Variants in COL26A1 observed in about 807,000 individuals in gnomAD.
COL26A1 encodes collagen alpha-1(XXVI) chain.
Under a neutral mutation model 59.3 loss-of-function variants are expected in COL26A1, and 41 were observed. The ratio of observed to expected loss-of-function variants is 0.69; its 90% CI spans 0.54 to 0.90. The LOEUF is 0.90. COL26A1 is among the 40% of genes least tolerant of loss of function. The pLI is 0.00. For missense variants in COL26A1, 612 were observed against 602.3 expected, an observed-to-expected ratio of 1.02 and a Z score of -0.17; for synonymous variants, 266 against 256.0, an observed-to-expected ratio of 1.04 and a Z score of -0.37.
At chr7:101,434,064 CCCT>C in intron 2 of COL26A1, among the ~76,000 whole-genome samples, 1 of 108,568 alleles carries the variant, frequency 9.2e-6, no homozygotes. Flanking sequence ...CTCCCTCCCT[CCCT>C]CCCTCCCTCC....
Position 101,539,929 on chromosome 7 carries a change from C to A in COL26A1, c.484C>A (p.Pro162Thr), listed in dbSNP as rs1795572897. ...LLEAAERPSS[P>T]DNDLPAPEST... ...AGAAGCAGCAGAACGGCCCTCCAGC[C>A]CGGACAACGACCTGCCAGCCCCCGA... The change falls in exon 5 of 13, where the codon CCG becomes ACG. Residue 162 changes from proline (P) to threonine (T), a missense_variant. By Grantham distance (38) the Pro-to-Thr change is conservative (BLOSUM62 -1). Coordinates refer to ENST00000313669, the MANE Select transcript of COL26A1 (RefSeq NM_001278563.3). 6.2e-7 allele frequency: 1 copy of A among 1,613,428 alleles called. No homozygotes were observed. The highest frequency in any genetic ancestry group is 1.3e-5 in the African/African-American group (1 of 74,900).
At chr7:101,464,828 C>G (rs1793717266) in intron 3 of COL26A1, among the ~76,000 whole-genome samples, 1 of 151,938 alleles carries the variant, frequency 6.6e-6, no homozygotes, top group Non-Finnish European at 1.5e-5. Context: ...CCTCCCACCT[C>G]AGCTTCCTGA....
At chr7:101,507,357 T>A (rs1477811597) in intron 3 of COL26A1, among the ~76,000 whole-genome samples, 2 of 152,214 alleles carry the variant, frequency 1.3e-5, no homozygotes, top group Admixed American at 1.3e-4. Flanking sequence ...TCCCGTGGAT[T>A]CTTCTGTCTC....
Position 101,425,158 on chromosome 7 carries a change from G to A in COL26A1, c.281+5059G>A, listed in dbSNP as rs544211347. Reference sequence around the variant, plus strand: ...TCCTATAACTTTGGGAGGCTCAGATGGGTGGATCACGAGGTCAGCAGTTCG... The same window carrying A: ...TCCTATAACTTTGGGAGGCTCAGATAGGTGGATCACGAGGTCAGCAGTTCG... On this transcript the variant is annotated intron_variant, in intron 2 of 12. Coordinates refer to ENST00000313669, the MANE Select transcript of COL26A1 (RefSeq NM_001278563.3). Among the ~76,000 whole-genome samples the A allele has an allele frequency of 3.4e-5, 5 of 147,924 alleles. No homozygotes were observed. In the East Asian group the frequency reaches 7.8e-4, roughly 23 times the overall value.
intron 1 of COL26A1, among the ~76,000 whole-genome samples, chr7:101,416,603 C>G (rs1792375091): frequency 6.9e-6 from 1 of 143,944 alleles, no homozygotes; most frequent in African/African-American, 2.5e-5. Context: ...TTTTCCATCT[C>G]CTTTTCTTTT....
rs3073374 is a variant in COL26A1 at position 101,510,027 on chromosome 7, C to CTTTTTTTTT, written c.386-23049_386-23041dup. On this transcript the variant is annotated intron_variant, in intron 3 of 12. Coordinates refer to ENST00000313669, the MANE Select transcript of COL26A1 (RefSeq NM_001278563.3). Reference sequence around the variant, plus strand: ...ATAGGCATAAGCCATCGCGCCCAGTCTTTTTTTTTTTTTTAAGAGGGTCTC... The same window carrying CTTTTTTTTT: ...ATAGGCATAAGCCATCGCGCCCAGTCTTTTTTTTTTTTTTTTTTTTTTTAAGAGGGTCTC... Among the ~76,000 whole-genome samples, 1,129 of 122,252 alleles carry CTTTTTTTTT rather than the reference C, an allele frequency of 9.2e-3. 48 individuals carry two copies. The highest frequency in any genetic ancestry group is 0.014 in the African/African-American group (337 of 24,648). The allele number at this position is 122,252 out of a possible 152,430, so 80.2% of individuals were successfully genotyped here.
intron 3 of COL26A1, among the ~76,000 whole-genome samples, chr7:101,515,289 T>C (rs1429628290): frequency 6.6e-6 from 1 of 151,468 alleles, no homozygotes; most frequent in Non-Finnish European, 1.5e-5. Flanking sequence ...AAATATTTAT[T>C]TTTTTTTTGA....
chr7:101,551,230 T>TGGGGGGGGTTTGGG, intron 10 of COL26A1, 87 bp downstream of exon 10: 4 of 113,774 alleles, frequency 3.5e-5, no homozygotes, highest in South Asian at 2.1e-4. Context: ...CGGGGGTTGG[T>TGGGGGGGGTTTGGG]GGGGGGGTTC....
intron 3 of COL26A1, among the ~76,000 whole-genome samples, chr7:101,498,899 C>T (rs1465853009): frequency 6.6e-6 from 1 of 152,180 alleles, no homozygotes; most frequent in East Asian, 1.9e-4. Context: ...AGAATCTGGT[C>T]TTCATCGAGC....
At chr7:101,385,425 C>T (rs1454505726) in intron 1 of COL26A1, among the ~76,000 whole-genome samples, 2 of 149,736 alleles carry the variant, frequency 1.3e-5, no homozygotes, top group African/African-American at 4.9e-5. Context: ...GGCTGCAGTG[C>T]AGTGGCGTGA....
intron 6 of COL26A1, 138 bp downstream of exon 6, chr7:101,544,234 T>A: frequency 1.6e-6 from 1 of 627,854 alleles, no homozygotes; most frequent in Non-Finnish European, 2.8e-6. Context: ...GGTCTTTTTT[T>A]TTTAATTTTT....
intron 3 of COL26A1, among the ~76,000 whole-genome samples, chr7:101,521,964 C>T (rs1288942902): frequency 6.6e-6 from 1 of 152,138 alleles, no homozygotes; most frequent in Non-Finnish European, 1.5e-5. Context: ...ACTGTTCTGA[C>T]CGTGTTGCAT....
Position 101,402,738 on chromosome 7 carries a change from C to A in COL26A1, c.159-17239C>A, listed in dbSNP as rs533181996. 5.9e-3 allele frequency among the ~76,000 whole-genome samples: 684 copies of A among 115,578 alleles called. 4 individuals are homozygous for A. Among genetic ancestry groups the A allele is most frequent in the African/African-American group, 0.02 (651 of 32,962 alleles). The allele number at this position is 115,578 out of a possible 152,430, so 75.8% of individuals were successfully genotyped here. ...CTCTCTTTCTCTCCTTCTTTCCCTT[C>A]CTTCCTCCCTCCCTCCCTCCCTCCC... On this transcript the variant is annotated intron_variant, in intron 1 of 12. Coordinates refer to ENST00000313669, the MANE Select transcript of COL26A1 (RefSeq NM_001278563.3).
intron 2 of COL26A1, among the ~76,000 whole-genome samples, chr7:101,446,059 A>G (rs1793187654): frequency 6.7e-6 from 1 of 150,002 alleles, no homozygotes; most frequent in South Asian, 2.1e-4. Context: ...AAAAAAAAAA[A>G]AAAAAAAAAA....
intron 2 of COL26A1, among the ~76,000 whole-genome samples, chr7:101,431,405 G>A (rs749491011): frequency 6.6e-5 from 10 of 152,122 alleles, no homozygotes; most frequent in Non-Finnish European, 1.2e-4. Flanking sequence ...GACTTTGGGC[G>A]TGTGCCACCA....
rs746661032 is a variant in COL26A1, at chr7:101,363,173, C to A, written c.141C>A (p.Ser47Arg). The A allele has an allele frequency of 4.2e-6, 6 of 1,433,802 alleles. No homozygotes were observed. The highest frequency in any genetic ancestry group is 5.5e-6 in the Non-Finnish European group (6 of 1,093,054). 88.8% of individuals were successfully genotyped at this position (1,433,802 alleles called of 1,614,324 possible). ...AGCCCGGCGCCGGCTCCCCTGGCAGCGGCTACGCGAGCCGCCGGTGAGTAG... is the reference window on the plus strand; with the variant it reads ...AGCCCGGCGCCGGCTCCCCTGGCAGAGGCTACGCGAGCCGCCGGTGAGTAG... ...YPEPGAGSPG[S>R]GYASRRHWCH... Residue 47 changes from serine to arginine, a missense_variant, in exon 1 of 13, where the codon AGC becomes AGA. Transcript: ENST00000313669.
chr7:101,432,349 A>T (rs1792802296), intron 2 of COL26A1, among the ~76,000 whole-genome samples: 1 of 152,036 alleles, frequency 6.6e-6, no homozygotes, highest in African/African-American at 2.4e-5. Flanking sequence ...TGCTAGGGGG[A>T]TATCTGAGGA....
rs141751380 is a variant in COL26A1 at position 101,427,020 on chromosome 7, A to G, written c.281+6921A>G. Among the ~76,000 whole-genome samples, 597 of 152,234 alleles carry G rather than the reference A, an allele frequency of 3.9e-3. 2 individuals are homozygous for G. Among genetic ancestry groups the G allele is most frequent in the Middle Eastern group, 0.02 (6 of 294 alleles). ...CCCAGCATTTACATAGAAATTTGCAAATGTGTGTATTTCTTGTCTGTTCCC... is the reference window on the plus strand; with the variant it reads ...CCCAGCATTTACATAGAAATTTGCAGATGTGTGTATTTCTTGTCTGTTCCC... On this transcript the variant is annotated intron_variant, in intron 2 of 12. Coordinates refer to ENST00000313669, the MANE Select transcript of COL26A1 (RefSeq NM_001278563.3).
intron 4 of COL26A1, among the ~76,000 whole-genome samples, chr7:101,535,995 C>T (rs1795474915): frequency 6.6e-6 from 1 of 152,188 alleles, no homozygotes. Context: ...CACCTGCCCA[C>T]TCCATGCCCA....
Sources: allele counts gnomAD v4.1 joint callset (sites outside exome capture counted in the v4.1 genomes callset), GRCh38; gene constraint gnomAD v4.1.1; transcripts MANE v1.5; gene names NCBI Gene and HGNC (gene_info 2026-07-23, HGNC 2026-07-21).